TFDP2: variants seen among roughly 807,000 people sequenced by gnomAD.
The protein encoded by TFDP2 is transcription factor Dp-2 (E2F dimerization partner 2).
Under a neutral mutation model 59.3 loss-of-function variants are expected in TFDP2, and 17 were observed. The observed-to-expected ratio is 0.29, with a 90% CI of 0.20 to 0.43. The LOEUF (loss-of-function observed/expected upper bound fraction) is 0.43, where lower values mean the gene tolerates loss of function less well. Among genes scored for constraint, TFDP2 ranks in the 20% least tolerant of loss-of-function variants. The pLI is 1.00. For missense variants in TFDP2, 391 were observed against 528.8 expected (o/e 0.74, Z 2.56); for synonymous variants, 180 against 194.7 (o/e 0.92, Z 0.63).
At chr3:142,043,175 T>G (rs1038822336) in intron 3 of TFDP2, among the ~76,000 whole-genome samples, 1 of 151,756 alleles carries the variant, frequency 6.6e-6, no homozygotes, top group Non-Finnish European at 1.5e-5. Context: ...GCCTCCCAAG[T>G]AGCTGGGACT....
intron 3 of TFDP2, among the ~76,000 whole-genome samples, chr3:142,011,632 GAAA>G (rs753672573): frequency 6.4e-5 from 8 of 124,360 alleles, no homozygotes; most frequent in Non-Finnish European, 1.2e-4. Flanking sequence ...GGAAAACAAG[GAAA>G]AAAAAAAAAC....
chr3:141,960,328 C>T lies in TFDP2; in HGVS notation c.885-488G>A, dbSNP rs11569272. Among the ~76,000 whole-genome samples the T allele has an allele frequency of 7.6e-3, 1,160 of 152,260 alleles. 23 individuals are homozygous for T. The highest frequency in any genetic ancestry group is 0.027 in the African/African-American group (1,119 of 41,540). Reference sequence around the variant, plus strand: ...GAAGACTTTCAACAAGTGAAAACAACCCCAAATCCTGTCCTGAGAGGCTAA... The same window carrying T: ...GAAGACTTTCAACAAGTGAAAACAATCCCAAATCCTGTCCTGAGAGGCTAA... On this transcript the variant is annotated intron_variant, in intron 10 of 12. Coordinates refer to ENST00000489671, the MANE Select transcript of TFDP2 (RefSeq NM_001178139.2).
chr3:142,037,217 T>C (rs1023299212), intron 3 of TFDP2, among the ~76,000 whole-genome samples: 1 of 152,242 alleles, frequency 6.6e-6, no homozygotes, highest in Non-Finnish European at 1.5e-5. Context: ...ACTGTTTACA[T>C]GTGCCAGACA....
intron 6 of TFDP2, among the ~76,000 whole-genome samples, chr3:141,980,851 T>C (rs753619738): frequency 1.3e-5 from 2 of 152,178 alleles, no homozygotes; most frequent in Non-Finnish European, 2.9e-5. Flanking sequence ...TGTTTGTGTT[T>C]TAAGTCAAGT....
rs920498696 is a variant in TFDP2 at position 141,951,368 on chromosome 3, G to A, written c.*1145C>T. On this transcript the variant is annotated 3_prime_UTR_variant, in exon 13 of 13. Transcript: ENST00000489671. ...TACCATATATCCAGGCAGTAGGAGTGTTCAACGTTTTCTAGTGTTTCTGTG... is the reference window on the plus strand; with the variant it reads ...TACCATATATCCAGGCAGTAGGAGTATTCAACGTTTTCTAGTGTTTCTGTG... 1.3e-5 allele frequency: 2 copies of A among 152,192 alleles called. No individual in the cohort carries two copies. Among genetic ancestry groups the A allele is most frequent in the African/African-American group, 2.4e-5 (1 of 41,432 alleles). The allele number at this position is 152,192 out of a possible 1,614,324, so 9.4% of individuals were successfully genotyped here. A position where few individuals can be genotyped will look rare whatever the true frequency, so the allele number is the denominator to read the frequency against.
intron 6 of TFDP2, among the ~76,000 whole-genome samples, chr3:141,979,822 C>T (rs1260352701): frequency 6.6e-6 from 1 of 152,072 alleles, no homozygotes; most frequent in African/African-American, 2.4e-5. Flanking sequence ...CTCCTGACCT[C>T]AGGTGATCTG....
chr3:142,136,088 C>T (rs115644010), intron 1 of TFDP2, among the ~76,000 whole-genome samples: 9,024 of 152,028 alleles, frequency 0.059, 435 homozygotes, highest in East Asian at 0.22. Flanking sequence ...TTTTAATTAT[C>T]GCTGTTCTGA....
At chr3:142,036,146 T>C (rs1447404915) in intron 3 of TFDP2, among the ~76,000 whole-genome samples, 1 of 152,206 alleles carries the variant, frequency 6.6e-6, no homozygotes, top group Non-Finnish European at 1.5e-5. Context: ...ATCACTTCAG[T>C]CCTCTATATG....
intron 1 of TFDP2, among the ~76,000 whole-genome samples, chr3:142,144,055 G>A (rs529423073): frequency 1.5e-5 from 2 of 131,622 alleles, no homozygotes; most frequent in East Asian, 4.1e-4. Context: ...TACATACAAT[G>A]AAGTACTATT....
Position 142,093,137 on chromosome 3 carries a change from A to T in TFDP2, c.16-10T>A. 6 of 1,529,240 alleles carry T rather than the reference A, an allele frequency of 3.9e-6. No individual in the cohort carries two copies. Among genetic ancestry groups the T allele is most frequent in the Non-Finnish European group, 5.2e-6 (6 of 1,144,406 alleles). The allele number at this position is 1,529,240 out of a possible 1,614,324, so 94.7% of individuals were successfully genotyped here. On this transcript the variant is annotated splice_polypyrimidine_tract_variant and intron_variant, in intron 2 of 12. Transcript: ENST00000489671. ...TGGAAGTCAAACCAACCTGAATAAA[A>T]CCGTTTAAAAAGTTAAAAATAGAAT...
chr3:141,985,131 TAA>T (rs928745094), intron 6 of TFDP2, among the ~76,000 whole-genome samples: 5 of 152,162 alleles, frequency 3.3e-5, no homozygotes, highest in Admixed American at 6.6e-5. Flanking sequence ...AGGATTAAAA[TAA>T]AAGTTTACTT....
intron 10 of TFDP2, among the ~76,000 whole-genome samples, chr3:141,963,118 G>A (rs746134125): frequency 2.0e-5 from 3 of 151,274 alleles, no homozygotes; most frequent in Non-Finnish European, 4.4e-5. Context: ...GTCTCACTCT[G>A]CACCCTATAT....
chr3:141,968,508 C>T (rs1436005759), intron 9 of TFDP2, among the ~76,000 whole-genome samples: 1 of 80,048 alleles, frequency 1.2e-5, no homozygotes, highest in Non-Finnish European at 2.1e-5. Flanking sequence ...ATATATATAA[C>T]ATATATATCT....
intron 11 of TFDP2, among the ~76,000 whole-genome samples, chr3:141,953,288 C>CT (rs1176508420): frequency 1.3e-5 from 2 of 152,282 alleles, no homozygotes; most frequent in African/African-American, 4.8e-5. Flanking sequence ...CTTTCTTACT[C>CT]TTTTTCTTAG....
chr3:142,073,337 T>C (rs1436524861), intron 3 of TFDP2, among the ~76,000 whole-genome samples: 1 of 151,922 alleles, frequency 6.6e-6, no homozygotes, highest in Non-Finnish European at 1.5e-5. Flanking sequence ...GGGTATAAAG[T>C]AACTCTGTAC....
chr3:142,041,455 T>C (rs1438547753), intron 3 of TFDP2, among the ~76,000 whole-genome samples: 2 of 152,190 alleles, frequency 1.3e-5, no homozygotes, highest in Non-Finnish European at 2.9e-5. Context: ...TCTTACAAGA[T>C]CTGATGGTTT....
At chr3:142,123,145 T>C (rs1221701005) in intron 1 of TFDP2, among the ~76,000 whole-genome samples, 1 of 152,062 alleles carries the variant, frequency 6.6e-6, no homozygotes, top group East Asian at 1.9e-4. Context: ...GTTGTTGTTG[T>C]TTTGAGACGG....
intron 3 of TFDP2, among the ~76,000 whole-genome samples, chr3:142,085,410 C>CA (rs1246332327): frequency 1.3e-5 from 2 of 151,520 alleles, no homozygotes; most frequent in Non-Finnish European, 2.9e-5. Flanking sequence ...TATGTACCCA[C>CA]AAAAAATTTT....
intron 6 of TFDP2, among the ~76,000 whole-genome samples, chr3:141,980,628 C>G (rs1941389535): frequency 6.6e-6 from 1 of 152,032 alleles, no homozygotes; most frequent in South Asian, 2.1e-4. Flanking sequence ...CTGAGAAACC[C>G]GGGTTCAAGT....
Sources: gnomAD v4.1 joint callset for allele counts (sites outside exome capture counted in the v4.1 genomes callset) on GRCh38, gnomAD v4.1.1 for gene constraint, MANE v1.5 for transcripts, NCBI Gene and HGNC (gene_info 2026-07-23, HGNC 2026-07-21) for gene names.